Variants in STAC observed in about 807,000 individuals in gnomAD.
STAC encodes SH3 and cysteine-rich domain-containing protein.
STAC carries 43 observed loss-of-function variants against 48.8 expected under a neutral mutation model. The observed-to-expected ratio is 0.88, with a 90% CI of 0.69 to 1.14. The LOEUF (loss-of-function observed/expected upper bound fraction) is 1.14. STAC is among the 50% of genes most tolerant of loss of function. STAC has a pLI of 0.00. For synonymous variants in STAC, 193 were observed against 179.5 expected (o/e 1.07, Z -0.60); for missense variants, 497 against 504.0 (o/e 0.99, Z 0.13).
At chr3:36,537,600 G>A (rs147660125) in intron 10 of STAC, among the ~76,000 whole-genome samples, 592 of 152,132 alleles carry the variant, frequency 3.9e-3, no homozygotes, top group Middle Eastern at 0.024. Flanking sequence ...TATAATGCAC[G>A]TGGGCTTAAT....
At chr3:36,538,832 A>G (rs1699257690) in intron 10 of STAC, among the ~76,000 whole-genome samples, 1 of 152,148 alleles carries the variant, frequency 6.6e-6, no homozygotes, top group African/African-American at 2.4e-5. Context: ...TACATTATTT[A>G]AAAAGTTTTC....
chr3:36,440,121 A>G (rs1322151177), intron 1 of STAC, among the ~76,000 whole-genome samples: 1 of 152,214 alleles, frequency 6.6e-6, no homozygotes, highest in Non-Finnish European at 1.5e-5. Flanking sequence ...GGGGCTTTTC[A>G]GAGGGCTTTG....
chr3:36,437,180 A>T (rs1453186636), intron 1 of STAC, among the ~76,000 whole-genome samples: 2 of 151,022 alleles, frequency 1.3e-5, no homozygotes. Flanking sequence ...TGTTGGTGGG[A>T]CTGTAAACTA....
At chr3:36,495,122 T>A (rs1575239600) in intron 6 of STAC, among the ~76,000 whole-genome samples, 1 of 152,148 alleles carries the variant, frequency 6.6e-6, no homozygotes, top group Admixed American at 6.5e-5. Flanking sequence ...GCTCATGTGA[T>A]CCCAAAGCAG....
intron 6 of STAC, among the ~76,000 whole-genome samples, chr3:36,503,233 G>C (rs1223506486): frequency 6.6e-6 from 1 of 151,980 alleles, no homozygotes; most frequent in East Asian, 1.9e-4. Context: ...ATATAAACTT[G>C]GAAATATTTA....
At chr3:36,451,482 T>A (rs2125674997) in intron 2 of STAC, among the ~76,000 whole-genome samples, 1 of 152,286 alleles carries the variant, frequency 6.6e-6, no homozygotes, top group South Asian at 2.1e-4. Flanking sequence ...TGAGAATAAA[T>A]CTTAAGATAT....
intron 8 of STAC, among the ~76,000 whole-genome samples, chr3:36,508,896 G>T (rs1257248030): frequency 6.6e-6 from 1 of 152,092 alleles, no homozygotes; most frequent in Non-Finnish European, 1.5e-5. Flanking sequence ...ACTTTTAATT[G>T]GGGCACTTAG....
At chr3:36,475,843 T>C (rs550483870) in intron 2 of STAC, among the ~76,000 whole-genome samples, 2 of 152,308 alleles carry the variant, frequency 1.3e-5, no homozygotes, top group South Asian at 4.1e-4. Context: ...GCTCCCAGAA[T>C]CAGCTTTCAG....
At chr3:36,408,706 G>A (rs1405147549) in intron 1 of STAC, among the ~76,000 whole-genome samples, 1 of 152,180 alleles carries the variant, frequency 6.6e-6, no homozygotes, top group African/African-American at 2.4e-5. Context: ...GACCATGAGA[G>A]AAGCCAGATT....
intron 1 of STAC, among the ~76,000 whole-genome samples, chr3:36,385,789 A>G (rs1342022267): frequency 6.6e-6 from 1 of 152,102 alleles, no homozygotes; most frequent in Non-Finnish European, 1.5e-5. Flanking sequence ...ACTCAACATT[A>G]TGTTGAAATT....
chr3:36,530,322 C>A (rs1181242316), intron 10 of STAC, among the ~76,000 whole-genome samples: 1 of 152,208 alleles, frequency 6.6e-6, no homozygotes, highest in East Asian at 1.9e-4. Flanking sequence ...ATGAAAAAGG[C>A]ATTAATAATT....
chr3:36,533,488 T>G (rs1472939017), intron 10 of STAC, among the ~76,000 whole-genome samples: 3 of 149,446 alleles, frequency 2.0e-5, no homozygotes, highest in Non-Finnish European at 3.0e-5. Flanking sequence ...TTTTTTTTTT[T>G]TTTTTTTTTT....
intron 8 of STAC, among the ~76,000 whole-genome samples, chr3:36,506,890 T>A (rs561831790): frequency 3.0e-4 from 45 of 152,318 alleles, no homozygotes; most frequent in African/African-American, 9.9e-4. Flanking sequence ...TTTGACTTCC[T>A]CTCTTTCTAT....
intron 1 of STAC, among the ~76,000 whole-genome samples, chr3:36,437,620 A>C (rs1575198916): frequency 2.0e-5 from 2 of 102,364 alleles, no homozygotes; most frequent in African/African-American, 7.9e-5. Flanking sequence ...CACTCTGGGG[A>C]CTGTTGTGGG....
rs530020247 is a variant in STAC, at chr3:36,437,569, T to A, written c.112-5795T>A. On this transcript the variant is annotated intron_variant, in intron 1 of 10. Coordinates refer to ENST00000273183, the MANE Select transcript of STAC (RefSeq NM_003149.3). ...ACATGTTCTCACTCATAGGTGGGAA[T>A]TGAACAATGAGAACACATGGACACA... is the stretch of plus-strand genomic sequence containing the variant. 2.5e-4 allele frequency among the ~76,000 whole-genome samples: 34 copies of A among 137,162 alleles called. No individual in the cohort carries two copies. In the South Asian group the frequency reaches 7.4e-3, roughly 30 times the overall value. 90.0% of individuals were successfully genotyped at this position (137,162 alleles called of 152,430 possible). A position where few individuals can be genotyped will look rare whatever the true frequency, so the allele number is the denominator to read the frequency against.
intron 8 of STAC, among the ~76,000 whole-genome samples, chr3:36,513,390 T>C (rs1341472038): frequency 6.6e-6 from 1 of 152,200 alleles, no homozygotes; most frequent in Non-Finnish European, 1.5e-5. Context: ...AAAATGTATT[T>C]GATGCTCAAT....
At chr3:36,434,442 G>C (rs56982069) in intron 1 of STAC, among the ~76,000 whole-genome samples, 2 of 152,200 alleles carry the variant, frequency 1.3e-5, no homozygotes, top group Non-Finnish European at 2.9e-5. Context: ...TGAGTAGCAA[G>C]GAGGAAACAT....
chr3:36,412,351 C>T (rs995399917), intron 1 of STAC, among the ~76,000 whole-genome samples: 1 of 152,098 alleles, frequency 6.6e-6, no homozygotes, highest in Non-Finnish European at 1.5e-5. Context: ...ATTGGATGTA[C>T]ATTTCATTGG....
intron 2 of STAC, among the ~76,000 whole-genome samples, chr3:36,469,892 T>C (rs79076480): frequency 0.031 from 4,795 of 152,280 alleles, 227 homozygotes; most frequent in African/African-American, 0.11. Context: ...TTGCATTTTT[T>C]TAAGTGTCCT....
Sources: gnomAD v4.1 joint callset for allele counts (sites outside exome capture counted in the v4.1 genomes callset) on GRCh38, gnomAD v4.1.1 for gene constraint, MANE v1.5 for transcripts, NCBI Gene and HGNC (gene_info 2026-07-23, HGNC 2026-07-21) for gene names.